The following RAD51B variants were observed in gnomAD, a reference collection of about 807,000 sequenced individuals.
RAD51B encodes DNA repair protein RAD51 homolog 2.
In RAD51B, 38 loss-of-function variants were observed where a neutral mutation model predicts 42.2. The observed-to-expected ratio is 0.90, with a 90% confidence interval of 0.70 to 1.18. RAD51B has a LOEUF of 1.18. RAD51B is among the 50% of genes most tolerant of loss of function. RAD51B has a pLI of 0.00. For missense variants in RAD51B, 373 were observed against 400.7 expected (o/e 0.93, Z 0.59); for synonymous variants, 154 against 145.2 (o/e 1.06, Z -0.43).
At chr14:68,662,433 G>T (rs964962182) in intron 11 of RAD51B, among the ~76,000 whole-genome samples, 1 of 152,260 alleles carries the variant, frequency 6.6e-6, no homozygotes, top group East Asian at 1.9e-4. Context: ...GCCTCTGAAA[G>T]TTCTTCCTAG....
chr14:67,839,020 A>G (rs575160458), intron 4 of RAD51B, among the ~76,000 whole-genome samples: 2 of 152,246 alleles, frequency 1.3e-5, no homozygotes, highest in East Asian at 3.9e-4. Context: ...TTAAACTACT[A>G]TTGCATTTTT....
intron 7 of RAD51B, among the ~76,000 whole-genome samples, chr14:67,988,985 ATAT>A (rs1311433370): frequency 6.6e-6 from 1 of 152,204 alleles, no homozygotes; most frequent in Non-Finnish European, 1.5e-5. Flanking sequence ...TAAAAGGTAA[ATAT>A]TTAGTAGTCA....
rs982511509 is a variant in RAD51B at position 68,565,158 on chromosome 14, G to A, written c.1037-29327G>A. Among the ~76,000 whole-genome samples, 2 of 152,154 alleles carry A rather than the reference G, an allele frequency of 1.3e-5. No homozygotes were observed. The highest frequency in any genetic ancestry group is 4.8e-5 in the African/African-American group (2 of 41,422). ...AGGTTTAAGCGCTCACTATAAGAAGGTCAGGGGACCCTTTTCTCATTCCAG... is the reference window on the plus strand; with the variant it reads ...AGGTTTAAGCGCTCACTATAAGAAGATCAGGGGACCCTTTTCTCATTCCAG... On this transcript the variant is annotated intron_variant, in intron 10 of 10. Transcript: ENST00000487270. This position sits in a 1 kb window ranked among gnomAD's most constrained non-coding sequence, Gnocchi z 4.1.
intron 10 of RAD51B, among the ~76,000 whole-genome samples, chr14:68,592,876 G>C (rs1440579521): frequency 1.3e-5 from 2 of 152,018 alleles, no homozygotes; most frequent in African/African-American, 4.8e-5. Flanking sequence ...ATATGGGACT[G>C]AGTGATACGT....
intron 7 of RAD51B, among the ~76,000 whole-genome samples, chr14:68,204,895 A>T (rs1595549283): frequency 6.6e-6 from 1 of 152,226 alleles, no homozygotes; most frequent in East Asian, 1.9e-4. Flanking sequence ...TTGTATAAAA[A>T]TATTTATTCA....
At chr14:68,478,464 A>G (rs1487921733), downstream of RAD51B, among the ~76,000 whole-genome samples, 13 of 152,250 alleles carry the variant, frequency 8.5e-5, no homozygotes, top group Non-Finnish European at 1.9e-4. Context: ...AAATAAATCA[A>G]TTGGTGACCC....
chr14:68,581,645 A>G (rs1890213166), intron 10 of RAD51B, among the ~76,000 whole-genome samples: 1 of 152,178 alleles, frequency 6.6e-6, no homozygotes, highest in Non-Finnish European at 1.5e-5. Flanking sequence ...TCACAAAATT[A>G]GAAAAAAACT....
In RAD51B at chr14:68,544,787, C is replaced by T. The variant is rs1888136453; in HGVS notation, c.1037-49698C>T. The stretch of plus-strand genomic sequence containing the variant: ...GCCTAAAAAAATGCACAAAATCTAC[C>T]TCTTATTTTTATTCTTACCTTTAAT... On this transcript the variant is annotated intron_variant, in intron 10 of 10. Transcript: ENST00000487270. Among the ~76,000 whole-genome samples, 2 of 152,192 alleles carry T rather than the reference C, an allele frequency of 1.3e-5. 1 individual carries two copies. Among genetic ancestry groups the T allele is most frequent in the South Asian group, 4.1e-4 (2 of 4,832 alleles).
intron 7 of RAD51B, among the ~76,000 whole-genome samples, chr14:67,933,877 C>T (rs1451434138): frequency 6.6e-6 from 1 of 152,228 alleles, no homozygotes; most frequent in African/African-American, 2.4e-5. Flanking sequence ...GAAGCTACCT[C>T]TATGCTCCTG....
chr14:67,930,924 T>C (rs1007369737), intron 7 of RAD51B, among the ~76,000 whole-genome samples: 1 of 150,808 alleles, frequency 6.6e-6, no homozygotes. Flanking sequence ...TTTCTTTTTT[T>C]TTTTTCTTTT....
intron 10 of RAD51B, among the ~76,000 whole-genome samples, chr14:68,571,977 C>G (rs986920682): frequency 2.2e-4 from 33 of 152,236 alleles, no homozygotes; most frequent in Non-Finnish European, 4.4e-4. Flanking sequence ...TTTCGTTGTC[C>G]ATCATTATCA....
chr14:68,486,341 A>G (rs1883620065), intron 10 of RAD51B, among the ~76,000 whole-genome samples: 1 of 152,130 alleles, frequency 6.6e-6, no homozygotes, highest in African/African-American at 2.4e-5. Flanking sequence ...TGCCCATTCT[A>G]TTTAGAATCG....
chr14:68,242,068 A>T (rs556394653), intron 7 of RAD51B, among the ~76,000 whole-genome samples: 28 of 152,256 alleles, frequency 1.8e-4, no homozygotes, highest in Middle Eastern at 3.4e-3. Flanking sequence ...GTGCCTTGCT[A>T]TCTGAGCCCC....
At chr14:68,358,159 G>GATC (rs2139900424) in intron 8 of RAD51B, among the ~76,000 whole-genome samples, 1 of 152,252 alleles carries the variant, frequency 6.6e-6, no homozygotes, top group Admixed American at 6.5e-5. Flanking sequence ...AAAGATCACT[G>GATC]ATCATAGATC....
chr14:68,072,503 G>T (rs375910569), intron 7 of RAD51B, among the ~76,000 whole-genome samples: 1 of 151,938 alleles, frequency 6.6e-6, no homozygotes, highest in East Asian at 1.9e-4. Context: ...CTTTACATTC[G>T]CTGGCAGCTG....
chr14:68,161,548 G>C (rs1373785192), intron 7 of RAD51B, among the ~76,000 whole-genome samples: 1 of 152,154 alleles, frequency 6.6e-6, no homozygotes, highest in Non-Finnish European at 1.5e-5. Context: ...GAGTAGAAGA[G>C]ATCTGTTTCC....
intron 7 of RAD51B, among the ~76,000 whole-genome samples, chr14:68,133,530 G>A (rs1017734342): frequency 6.6e-6 from 1 of 152,098 alleles, no homozygotes; most frequent in Admixed American, 6.5e-5. Flanking sequence ...GGAGTGCAGT[G>A]GCGTGATCTT....
chr14:68,471,790 C>G (rs1031959728), intron 10 of RAD51B, among the ~76,000 whole-genome samples: 1 of 151,962 alleles, frequency 6.6e-6, no homozygotes. Flanking sequence ...CATGGTAATA[C>G]CATCCTGTTT....
chr14:68,305,389 GTTTTATCTGGTT>G (rs1395158237), intron 8 of RAD51B, among the ~76,000 whole-genome samples: 1 of 152,212 alleles, frequency 6.6e-6, no homozygotes, highest in Non-Finnish European at 1.5e-5. Context: ...GTGTTTTTCA[GTTTTATCTGGTT>G]GGAACCCTAG....
Sources: gnomAD v4.1 joint callset for allele counts (sites outside exome capture counted in the v4.1 genomes callset) on GRCh38, gnomAD v4.1.1 for gene constraint, Gnocchi (gnomAD v3.1) non-coding constraint, MANE v1.5 for transcripts, NCBI Gene and HGNC (gene_info 2026-07-23, HGNC 2026-07-21) for gene names.